The following PAG1 variants were observed in gnomAD, a reference collection of about 807,000 sequenced individuals.
PAG1 encodes the protein phosphoprotein membrane anchor with glycosphingolipid microdomains 1.
A neutral mutation model predicts 31.7 loss-of-function variants in PAG1; 23 were observed. The observed-to-expected ratio is 0.73, with a 90% CI of 0.52 to 1.03. PAG1 has a LOEUF of 1.03. PAG1 is among the 50% of genes least tolerant of loss of function. The pLI, the probability that PAG1 is intolerant of heterozygous loss-of-function variation, is 0.00. For synonymous variants in PAG1, 214 were observed against 210.3 expected, an observed-to-expected ratio of 1.02 and a Z score of -0.15; for missense variants, 473 against 540.7, an observed-to-expected ratio of 0.87 and a Z score of 1.24.
At chr8:81,103,836 T>C (rs1809648541) in intron 1 of PAG1, among the ~76,000 whole-genome samples, 1 of 152,118 alleles carries the variant, frequency 6.6e-6, no homozygotes, top group Admixed American at 6.6e-5. Context: ...GTGGATAAAA[T>C]GAGATATGCC....
chr8:80,983,215 G>A (rs909556315), intron 7 of PAG1, among the ~76,000 whole-genome samples: 4 of 152,044 alleles, frequency 2.6e-5, no homozygotes, highest in Non-Finnish European at 2.9e-5. Flanking sequence ...TCTGCTTCAC[G>A]TGCTCTTTCC....
chr8:80,973,510 A>G lies in PAG1; in HGVS notation c.*3034T>C, dbSNP rs1401254310. ...AATAAAAACAAAGATCCTACTTTTA[A>G]CTGAGATAGATTTATAATTCTTACT... On this transcript the variant is annotated 3_prime_UTR_variant, in exon 9 of 9. Coordinates refer to ENST00000220597, the MANE Select transcript of PAG1 (RefSeq NM_018440.4). The G allele has an allele frequency of 6.6e-6, 1 of 152,224 alleles. No homozygotes were observed. The highest frequency in any genetic ancestry group is 1.5e-5 in the Non-Finnish European group (1 of 68,048). 9.4% of individuals were successfully genotyped at this position (152,224 alleles called of 1,614,324 possible). A position where few individuals can be genotyped will look rare whatever the true frequency, so the allele number is the denominator to read the frequency against.
rs1487426715 is a variant in PAG1, at chr8:80,987,658, G to A, written c.178-192C>T. On this transcript the variant is annotated intron_variant, in intron 5 of 8. Transcript: ENST00000220597. ...ACCCCCAGTGGATGCCTAAAACCAT[G>A]AGTAGTACTGAACCCTATATAGACT... The A allele has an allele frequency of 1.3e-5, 7 of 533,766 alleles. No homozygotes were observed. In the African/African-American group the frequency reaches 1.3e-4, roughly 10 times the overall value. 33.1% of individuals were successfully genotyped at this position (533,766 alleles called of 1,614,324 possible).
At chr8:81,028,157 G>T (rs1222300216) in intron 3 of PAG1, among the ~76,000 whole-genome samples, 1 of 152,180 alleles carries the variant, frequency 6.6e-6, no homozygotes, top group Non-Finnish European at 1.5e-5. Context: ...TCAGGGAGAA[G>T]TGGGAACACA....
chr8:81,021,328 T>C (rs1232270609), intron 3 of PAG1, among the ~76,000 whole-genome samples: 1 of 152,004 alleles, frequency 6.6e-6, no homozygotes, highest in Non-Finnish European at 1.5e-5. Flanking sequence ...TAGTCTATTA[T>C]TAACAACTTA....
At chr8:81,107,233 T>C (rs745880165) in intron 1 of PAG1, among the ~76,000 whole-genome samples, 2 of 152,216 alleles carry the variant, frequency 1.3e-5, no homozygotes, top group Non-Finnish European at 1.5e-5. Context: ...ACAAAGATAA[T>C]GGAGATGATA....
intron 1 of PAG1, among the ~76,000 whole-genome samples, chr8:81,104,975 C>A (rs1297337786): frequency 1.3e-5 from 2 of 152,092 alleles, no homozygotes; most frequent in Admixed American, 6.6e-5. Context: ...TGTGCACCAG[C>A]CACATGGAAT....
rs1213481473 is a variant in PAG1 at position 81,002,051 on chromosome 8, TA to T, written c.-80-8745del. ...ATTAATCATAAACCTCCTTCCAAGGTATCTGGAGGGCTTTACAAACATCCCA... is the reference window on the plus strand; with the variant it reads ...ATTAATCATAAACCTCCTTCCAAGGTTCTGGAGGGCTTTACAAACATCCCA... On this transcript the variant is annotated intron_variant, in intron 3 of 8. Transcript: ENST00000220597. Among the ~76,000 whole-genome samples the T allele has an allele frequency of 2.0e-5, 3 of 152,296 alleles. No individual in the cohort carries two copies. The East Asian group carries it at 5.8e-4, about 29-fold the overall frequency.
Position 80,988,443 on chromosome 8 carries a change from C to T in PAG1, c.178-977G>A, listed in dbSNP as rs145609309. Among the ~76,000 whole-genome samples, 558 of 152,274 alleles carry T rather than the reference C, an allele frequency of 3.7e-3. 3 individuals are homozygous for T. The highest frequency in any genetic ancestry group is 0.013 in the African/African-American group (521 of 41,546). ...AACAATAATATGCTGAAAATTAGCT[C>T]TGCAAACTTTTTATTTATTTATTTA... On this transcript the variant is annotated intron_variant, in intron 5 of 8. Transcript: ENST00000220597.
chr8:81,079,200 T>G (rs919919914), intron 1 of PAG1, among the ~76,000 whole-genome samples: 1 of 151,982 alleles, frequency 6.6e-6, no homozygotes. Context: ...GCTCAAACAC[T>G]AATTTCTGCA....
chr8:81,077,068 C>A lies in PAG1; in HGVS notation c.-233-6898G>T, dbSNP rs1809190403. Among the ~76,000 whole-genome samples the A allele has an allele frequency of 3.9e-5, 6 of 152,206 alleles. No individual in the cohort carries two copies. The South Asian group carries it at 1.2e-3, about 31-fold the overall frequency. ...ATCGTAGAGTTAATGGAAGCTTGAG[C>A]TTAGAAATCGTGCAGAGCTTGCTAA... On this transcript the variant is annotated intron_variant, in intron 1 of 8. Coordinates refer to ENST00000220597, the MANE Select transcript of PAG1 (RefSeq NM_018440.4).
chr8:81,056,822 T>C (rs1426958929), intron 2 of PAG1, among the ~76,000 whole-genome samples: 1 of 152,102 alleles, frequency 6.6e-6, no homozygotes, highest in Non-Finnish European at 1.5e-5. Context: ...CCTACTCCTC[T>C]GACAAAGGGC....
intron 3 of PAG1, among the ~76,000 whole-genome samples, chr8:81,027,574 A>C (rs1808303815): frequency 6.6e-6 from 1 of 152,204 alleles, no homozygotes; most frequent in Non-Finnish European, 1.5e-5. Context: ...TATATTATGT[A>C]GTTTTTATAA....
At chr8:81,028,655 T>C (rs560550990) in intron 3 of PAG1, among the ~76,000 whole-genome samples, 13 of 152,240 alleles carry the variant, frequency 8.5e-5, no homozygotes, top group Non-Finnish European at 1.9e-4. Context: ...TCTACAGTAA[T>C]GAGAAGCTAT....
intron 7 of PAG1, 89 bp downstream of exon 7, chr8:80,984,687 C>A (rs1431329421): frequency 4.6e-5 from 56 of 1,230,412 alleles, no homozygotes; most frequent in Non-Finnish European, 6.2e-5. Flanking sequence ...AAAGTGTTTG[C>A]AGATATTTCC....
intron 3 of PAG1, among the ~76,000 whole-genome samples, chr8:81,028,348 C>T (rs114808032): frequency 0.01 from 1,531 of 152,332 alleles, 34 homozygotes; most frequent in African/African-American, 0.035. Context: ...TCTTTAAATG[C>T]GTCTTTTTTC....
chr8:81,035,245 C>CGGGGGGGGAGGT, intron 2 of PAG1, among the ~76,000 whole-genome samples: 1 of 152,154 alleles, frequency 6.6e-6, no homozygotes, highest in East Asian at 1.9e-4. Context: ...AAGACCAACA[C>CGGGGGGGGAGGT]AGACTATGAG....
rs142432275 is a variant in PAG1, at chr8:80,979,785, T to C, written c.936+650A>G. Among the ~76,000 whole-genome samples the C allele has an allele frequency of 6.4e-3, 968 of 152,300 alleles. 7 individuals are homozygous for C. Among genetic ancestry groups the C allele is most frequent in the Middle Eastern group, 0.021 (6 of 292 alleles). ...CTCTGAGCATAGCTCAACATTTATA[T>C]ATATACATATGAAATATGTATATAT... On this transcript the variant is annotated intron_variant, in intron 8 of 8. Transcript: ENST00000220597.
At chr8:81,100,919 G>T (rs34526794) in intron 1 of PAG1, among the ~76,000 whole-genome samples, 66,380 of 152,140 alleles carry the variant, frequency 0.44, 16,011 homozygotes, top group East Asian at 0.76. Context: ...TATAAAACAG[G>T]CTGAAAGAAG....
Sources: gnomAD v4.1 joint callset for allele counts (sites outside exome capture counted in the v4.1 genomes callset) on GRCh38, gnomAD v4.1.1 for gene constraint, MANE v1.5 for transcripts, NCBI Gene and HGNC (gene_info 2026-07-23, HGNC 2026-07-21) for gene names.